PCM1: variants seen among roughly 807,000 people sequenced by gnomAD.
The protein encoded by PCM1 is pericentriolar material 1.
PCM1 carries 157 observed loss-of-function variants against 241.9 expected under a neutral mutation model. That is an observed-to-expected ratio of 0.65 (90% CI 0.57 to 0.74). The LOEUF (loss-of-function observed/expected upper bound fraction) is 0.74. PCM1 is among the 30% of genes least tolerant of loss of function. PCM1 has a pLI of 0.00. For synonymous variants in PCM1, 1,085 were observed against 784.9 expected (o/e 1.38, Z -6.39); for missense variants, 3,478 against 2,360.1 (o/e 1.47, Z -9.81).
chr8:18,019,349 A>G (rs1435896236), intron 36 of PCM1, among the ~76,000 whole-genome samples: 2 of 152,220 alleles, frequency 1.3e-5, no homozygotes, highest in Non-Finnish European at 2.9e-5. Context: ...TTTTGGCACC[A>G]GGGACTGGTT....
At chr8:17,978,776 C>G (rs189884642) in intron 23 of PCM1, among the ~76,000 whole-genome samples, 1 of 152,112 alleles carries the variant, frequency 6.6e-6, no homozygotes, top group Non-Finnish European at 1.5e-5. Context: ...ATCAGTCTCA[C>G]TAATATAAAT....
chr8:17,999,656 G>T (rs771295230), intron 29 of PCM1, among the ~76,000 whole-genome samples: 23 of 152,256 alleles, frequency 1.5e-4, no homozygotes, highest in Admixed American at 7.8e-4. Flanking sequence ...ATTCAAGATG[G>T]TCTTTCCTAC....
At chr8:17,957,513 G>C (rs190104280) in intron 12 of PCM1, 27 bp from the exon 13 acceptor site, 121 of 1,602,870 alleles carry the variant, frequency 7.5e-5, no homozygotes, top group Non-Finnish European at 7.9e-5. Flanking sequence ...AAAAGTTACT[G>C]GTTTTAATTA....
At position 17,938,894 on chromosome 8, in the gene PCM1, T is replaced by C. The variant is rs758016949; in HGVS notation, c.497T>C (p.Ile166Thr). 1.1e-5 allele frequency: 18 copies of C among 1,613,604 alleles called. No individual in the cohort carries two copies. The highest frequency in any genetic ancestry group is 3.3e-5 in the Admixed American group (2 of 59,994). ...ASTNPPNRET[I>T]GSAQCKELFA... Reference sequence around the variant, plus strand: ...ACAAACCCCCCAAACAGAGAAACGATTGGATCAGCACAGTGTAAAGAGTTG... The same window carrying C: ...ACAAACCCCCCAAACAGAGAAACGACTGGATCAGCACAGTGTAAAGAGTTG... The change falls in exon 5 of 39, where the codon ATT becomes ACT. Residue 166 changes from isoleucine to threonine, a missense_variant. By Grantham distance (89) the Ile-to-Thr change is moderately conservative. Coordinates refer to ENST00000325083, the MANE Select transcript of PCM1 (RefSeq NM_006197.4).
chr8:17,961,364 G>A (rs1586918648), intron 15 of PCM1, among the ~76,000 whole-genome samples: 1 of 134,830 alleles, frequency 7.4e-6, no homozygotes, highest in African/African-American at 2.7e-5. Context: ...AGGTGGGAGT[G>A]CAGTGGTGCA....
chr8:17,966,030 G>A lies in PCM1; in HGVS notation c.2887G>A (p.Glu963Lys), dbSNP rs771172461. Residue 963 changes from glutamate (E) to lysine (K), a missense_variant, in exon 19 of 39, where the codon GAA becomes AAA. Coordinates refer to ENST00000325083, the MANE Select transcript of PCM1 (RefSeq NM_006197.4). ...WKNNCPFSAD[E>K]NYRPLAKTRQ... Reference sequence around the variant, plus strand: ...GAACAATTGCCCTTTTTCGGCAGATGAAAATTATCGTCCTTTAGCCAAGAC... The same window carrying A: ...GAACAATTGCCCTTTTTCGGCAGATAAAAATTATCGTCCTTTAGCCAAGAC... The A allele has an allele frequency of 1.1e-5, 17 of 1,611,022 alleles. No individual in the cohort carries two copies. Among genetic ancestry groups the A allele is most frequent in the Non-Finnish European group, 1.4e-5 (17 of 1,178,568 alleles).
intron 28 of PCM1, among the ~76,000 whole-genome samples, chr8:17,993,097 G>A (rs1455387645): frequency 2.0e-5 from 3 of 151,992 alleles, no homozygotes; most frequent in Non-Finnish European, 4.4e-5. Flanking sequence ...TTTAGTTTAA[G>A]TTCCATCTGT....
At position 18,010,561 on chromosome 8, in the gene PCM1, T is replaced by C. The variant is rs114540404; in HGVS notation, c.5161-48T>C. 1.6e-3 allele frequency: 2,228 copies of C among 1,366,510 alleles called. 25 individuals carry two copies. In the African/African-American group the frequency reaches 0.027, roughly 17 times the overall value. The allele number at this position is 1,366,510 out of a possible 1,614,324, so 84.6% of individuals were successfully genotyped here. A position where few individuals can be genotyped will look rare whatever the true frequency, so the allele number is the denominator to read the frequency against. On this transcript the variant is annotated intron_variant, in intron 31 of 38. Transcript: ENST00000325083. ...CTGAGACATGAGAAATGCTAAATTATGTATCTAAGTATGTTGCTAAATTCT... is the reference window on the plus strand; with the variant it reads ...CTGAGACATGAGAAATGCTAAATTACGTATCTAAGTATGTTGCTAAATTCT...
intron 4 of PCM1, among the ~76,000 whole-genome samples, chr8:17,938,104 A>G (rs555297793): frequency 2.6e-5 from 4 of 152,182 alleles, no homozygotes; most frequent in African/African-American, 7.2e-5. Flanking sequence ...ATAAAAAGCA[A>G]TATGAGTTAA....
chr8:18,019,225 C>T (rs2093563924), intron 36 of PCM1, among the ~76,000 whole-genome samples: 1 of 151,996 alleles, frequency 6.6e-6, no homozygotes, highest in African/African-American at 2.4e-5. Flanking sequence ...CCTTACAATT[C>T]CATAGAAATT....
chr8:17,960,197 A>G (rs774716815), intron 14 of PCM1, 32 bp downstream of exon 14: 19 of 1,548,392 alleles, frequency 1.2e-5, no homozygotes, highest in South Asian at 1.2e-5. Flanking sequence ...CATTTAATAT[A>G]ATAAAAATTT....
intron 36 of PCM1, among the ~76,000 whole-genome samples, chr8:18,020,465 A>G (rs1209337076): frequency 6.6e-6 from 1 of 152,052 alleles, no homozygotes; most frequent in Non-Finnish European, 1.5e-5. Context: ...TCTAATCTCT[A>G]TCTCAGATGT....
At chr8:18,025,757 G>T in intron 38 of PCM1, 99 bp downstream of exon 38, 1 of 669,572 alleles carries the variant, frequency 1.5e-6, no homozygotes, top group Non-Finnish European at 2.5e-6. Flanking sequence ...ACTGACCTGG[G>T]AGATTTAAGC....
At chr8:18,022,858 G>A (rs1184884576) in intron 36 of PCM1, among the ~76,000 whole-genome samples, 2 of 152,148 alleles carry the variant, frequency 1.3e-5, no homozygotes, top group African/African-American at 4.8e-5. Flanking sequence ...AAACTCTAGA[G>A]GCAAATGGAA....
At position 17,962,131 on chromosome 8, in the gene PCM1, A is replaced by C. The variant is rs780893886; in HGVS notation, c.2420A>C (p.Lys807Thr). ...AATCAACACGAGACCAGTACAAGCA[A>C]ATCTGTTTTTGAGCCTGAAGATTCT... ...TVNQHETSTS[K>T]SVFEPEDSSI... The change falls in exon 16 of 39, where the codon AAA becomes ACA. Residue 807 changes from lysine (K) to threonine (T), a missense_variant. Lys to Thr is a moderately conservative substitution (Grantham distance 78). Coordinates refer to ENST00000325083, the MANE Select transcript of PCM1 (RefSeq NM_006197.4). The C allele has an allele frequency of 1.1e-5, 18 of 1,610,042 alleles. No individual in the cohort carries two copies. Among genetic ancestry groups the C allele is most frequent in the Admixed American group, 1.7e-5 (1 of 59,572 alleles).
Position 18,025,640 on chromosome 8 carries a change from G to C in PCM1, c.6031G>C (p.Glu2011Gln), listed in dbSNP as rs1409181695. ...MQTEELAGNS[E>Q]TLKEPETVGA... The stretch of plus-strand genomic sequence containing the variant: ...GACCGAAGAATTAGCTGGAAATTCT[G>C]AGACACTAAAAGAACCTGGTAAGAG... Residue 2011 changes from glutamate to glutamine, a missense_variant, in exon 38 of 39, where the codon GAG becomes CAG. Transcript: ENST00000325083. The C allele has an allele frequency of 1.3e-6, 2 of 1,558,420 alleles. No homozygotes were observed. Among genetic ancestry groups the C allele is most frequent in the Non-Finnish European group, 1.7e-6 (2 of 1,146,534 alleles).
chr8:17,983,042 G>A (rs1281639617), intron 24 of PCM1, among the ~76,000 whole-genome samples: 1 of 152,124 alleles, frequency 6.6e-6, no homozygotes, highest in South Asian at 2.1e-4. Context: ...CTTAATATAC[G>A]TTTATAGCAA....
intron 30 of PCM1, among the ~76,000 whole-genome samples, chr8:18,007,480 G>A (rs901727360): frequency 6.6e-6 from 1 of 152,176 alleles, no homozygotes; most frequent in East Asian, 1.9e-4. Context: ...AAGGCTGAAA[G>A]AGAAATTATA....
chr8:17,993,074 C>T (rs909013433), intron 28 of PCM1, among the ~76,000 whole-genome samples: 7 of 151,650 alleles, frequency 4.6e-5, no homozygotes, highest in Admixed American at 1.3e-4. Context: ...TTTCTTTTGC[C>T]GTGCAGAAAC....
Sources: gnomAD v4.1 joint callset for allele counts (sites outside exome capture counted in the v4.1 genomes callset) on GRCh38, gnomAD v4.1.1 for gene constraint, MANE v1.5 for transcripts, NCBI Gene and HGNC (gene_info 2026-07-23, HGNC 2026-07-21) for gene names.